The following AKAP12 variants were observed in gnomAD, a reference collection of about 807,000 sequenced individuals.
The protein encoded by AKAP12 is A-kinase anchor protein 12.
AKAP12 carries 32 observed loss-of-function variants against 79.9 expected under a neutral mutation model. The ratio of observed to expected loss-of-function variants is 0.40; its 90% CI spans 0.30 to 0.54. The LOEUF is 0.54. AKAP12 is among the 20% of genes least tolerant of loss of function. The pLI, the probability that AKAP12 is intolerant of heterozygous loss-of-function variation, is 0.48. For missense variants in AKAP12, 2,074 were observed against 2,177.0 expected (o/e 0.95, Z 0.94); for synonymous variants, 808 against 857.0 (o/e 0.94, Z 1.00).
chr6:151,322,750 T>TGCCACTGGGTGTGTGCACCACCCACTCCC (rs1777429155), intron 3 of AKAP12, among the ~76,000 whole-genome samples: 6 of 145,744 alleles, frequency 4.1e-5, no homozygotes, highest in African/African-American at 1.4e-4. Context: ...CACCCACTCC[T>TGCCACTGGGTGTGTGCACCACCCACTCCC]GCCACTGGGT....
intron 2 of AKAP12, among the ~76,000 whole-genome samples, chr6:151,288,186 A>G (rs888059914): frequency 2.0e-5 from 3 of 151,162 alleles, no homozygotes; most frequent in Non-Finnish European, 2.9e-5. Context: ...CGTGTTCTGG[A>G]CATGTATCCC....
At chr6:151,333,473 G>A (rs1390745385) in intron 3 of AKAP12, among the ~76,000 whole-genome samples, 1 of 152,120 alleles carries the variant, frequency 6.6e-6, no homozygotes, top group South Asian at 2.1e-4. Context: ...TTCTCAGGCC[G>A]GGCGCAGTGG....
At chr6:151,333,935 A>T (rs1000974491) in intron 3 of AKAP12, among the ~76,000 whole-genome samples, 2 of 151,750 alleles carry the variant, frequency 1.3e-5, no homozygotes, top group Non-Finnish European at 2.9e-5. Flanking sequence ...TCAGCACAGG[A>T]AGAAGGGTCC....
chr6:151,283,298 T>A (rs1281506193), intron 2 of AKAP12, among the ~76,000 whole-genome samples: 1 of 152,154 alleles, frequency 6.6e-6, no homozygotes. Context: ...ACAGACAGCA[T>A]TGAACACAAA....
intron 3 of AKAP12, among the ~76,000 whole-genome samples, chr6:151,331,788 G>A (rs1217915272): frequency 6.6e-6 from 1 of 151,300 alleles, no homozygotes; most frequent in Admixed American, 6.6e-5. Context: ...GGGAGGCTGA[G>A]GCAGGAGAAT....
intron 3 of AKAP12, among the ~76,000 whole-genome samples, chr6:151,337,967 G>T (rs1777858914): frequency 6.6e-6 from 1 of 152,218 alleles, no homozygotes; most frequent in Admixed American, 6.5e-5. Context: ...AGCCCTGGAA[G>T]CGGAGGCTGC....
chr6:151,278,761 G>C (rs940691905), intron 2 of AKAP12, among the ~76,000 whole-genome samples: 1 of 151,720 alleles, frequency 6.6e-6, no homozygotes, highest in African/African-American at 2.4e-5. Context: ...TCTGCCTCCC[G>C]GGTTCACGCC....
At chr6:151,332,622 A>G (rs1037316246) in intron 3 of AKAP12, among the ~76,000 whole-genome samples, 1 of 152,196 alleles carries the variant, frequency 6.6e-6, no homozygotes, top group Non-Finnish European at 1.5e-5. Context: ...AGCCCTGTCA[A>G]TACAAGACTG....
intron 2 of AKAP12, among the ~76,000 whole-genome samples, chr6:151,242,074 T>A (rs559331114): frequency 8.1e-4 from 124 of 152,332 alleles, no homozygotes; most frequent in African/African-American, 2.9e-3. Flanking sequence ...CCTTTTGAGA[T>A]TCAAGTCGCA....
chr6:151,302,014 T>C (rs1445607071), intron 2 of AKAP12, among the ~76,000 whole-genome samples: 2 of 147,410 alleles, frequency 1.4e-5, no homozygotes, highest in Non-Finnish European at 3.0e-5. Flanking sequence ...ATCTCTTTTT[T>C]TTTTCTTTTT....
At chr6:151,300,598 T>A (rs1430240083) in intron 2 of AKAP12, among the ~76,000 whole-genome samples, 1 of 152,088 alleles carries the variant, frequency 6.6e-6, no homozygotes. Context: ...GAGAAGGAAG[T>A]GGATGGAGAA....
chr6:151,277,825 G>C (rs1210954057), intron 2 of AKAP12, among the ~76,000 whole-genome samples: 1 of 152,280 alleles, frequency 6.6e-6, no homozygotes, highest in Non-Finnish European at 1.5e-5. Context: ...CTCTTCAACT[G>C]TATTGGTTCT....
At chr6:151,354,596 T>C (rs2114835667) in intron 4 of AKAP12, among the ~76,000 whole-genome samples, 1 of 152,200 alleles carries the variant, frequency 6.6e-6, no homozygotes, top group Middle Eastern at 3.4e-3. Context: ...GAGGTCTCGA[T>C]CTCCTGACCT....
At chr6:151,341,756 C>T in intron 3 of AKAP12, 1 of 1,285,306 alleles carries the variant, frequency 7.8e-7, no homozygotes, top group South Asian at 1.2e-5. Flanking sequence ...CCGAGGGCCA[C>T]CAACTGTCCC....
At chr6:151,324,102 C>T in intron 3 of AKAP12, 1 of 985,370 alleles carries the variant, frequency 1.0e-6, no homozygotes, top group Middle Eastern at 5.2e-4. Context: ...TCAGTACCAG[C>T]AGCATTTCAC....
intron 2 of AKAP12, among the ~76,000 whole-genome samples, chr6:151,267,195 A>G (rs970894413): frequency 2.5e-4 from 38 of 152,054 alleles, no homozygotes; most frequent in Non-Finnish European, 3.2e-4. Context: ...TATAGCTTAT[A>G]AGTAGGGGAG....
At chr6:151,271,850 G>A (rs1776190253) in intron 2 of AKAP12, among the ~76,000 whole-genome samples, 1 of 151,412 alleles carries the variant, frequency 6.6e-6, no homozygotes, top group South Asian at 2.1e-4. Flanking sequence ...AGTAGAGACG[G>A]GGTTTTACCA....
chr6:151,349,382 G>A lies in AKAP12; in HGVS notation c.991G>A (p.Glu331Lys), dbSNP rs925840461. 11 of 1,613,762 alleles carry A rather than the reference G, an allele frequency of 6.8e-6. No homozygotes were observed. The East Asian group carries it at 1.1e-4, about 16-fold the overall frequency. The change falls in exon 4 of 5, where the codon GAG becomes AAG. Residue 331 changes from glutamate to lysine, a missense_variant. By Grantham distance (56) the Glu-to-Lys change is moderately conservative (BLOSUM62 1). Coordinates refer to ENST00000402676, the MANE Select transcript of AKAP12 (RefSeq NM_005100.4). The stretch of plus-strand genomic sequence containing the variant: ...AGCTTCAGAGAAGAAAAAGGAACAA[G>A]AGCCAGAAAAAGTAGACACAGAAGA... ...VEASEKKKEQ[E>K]PEKVDTEEDG... is the part of the protein sequence containing the mutation.
Position 151,352,952 on chromosome 6 carries a change from T to G in AKAP12, c.4561T>G (p.Cys1521Gly). The change falls in exon 4 of 5, where the codon TGC becomes GGC. Residue 1521 changes from cysteine (C) to glycine (G), a missense_variant. Around this residue, in one of 3 missense-constraint regions of AKAP12, gnomAD observed 614 missense variants for 665.6 expected, o/e 0.92. Coordinates refer to ENST00000402676, the MANE Select transcript of AKAP12 (RefSeq NM_005100.4). ...KSDEVDEQVA[C>G]QEVKVSVAIE... ...AGATGAAGTCGATGAGCAGGTTGCT[T>G]GCCAGGAGGTCAAAGTGAGTGTAGC... 1 of 1,605,544 alleles carries G rather than the reference T, an allele frequency of 6.2e-7. No individual in the cohort carries two copies. The highest frequency in any genetic ancestry group is 1.1e-5 in the South Asian group (1 of 90,656).
Sources: gnomAD v4.1 joint callset for allele counts (sites outside exome capture counted in the v4.1 genomes callset) on GRCh38, gnomAD v4.1.1 for gene constraint, gnomAD v4.1.1 regional missense constraint, MANE v1.5 for transcripts, NCBI Gene and HGNC (gene_info 2026-07-23, HGNC 2026-07-21) for gene names.